Variants in CNTNAP2 observed in about 807,000 individuals in gnomAD.
CNTNAP2 encodes contactin-associated protein-like 2.
CNTNAP2 carries 98 observed loss-of-function variants against 155.2 expected under a neutral mutation model. That is an observed-to-expected ratio of 0.63 (90% confidence interval 0.54 to 0.75). The LOEUF (loss-of-function observed/expected upper bound fraction) is 0.75. Among genes scored for constraint, CNTNAP2 ranks in the 30% least tolerant of loss-of-function variants. The pLI is 0.00. For missense variants in CNTNAP2, 1,727 were observed against 1,688.1 expected (o/e 1.02, Z -0.40); for synonymous variants, 651 against 631.2 (o/e 1.03, Z -0.47).
chr7:147,351,547 A>G (rs1795968250), intron 9 of CNTNAP2, among the ~76,000 whole-genome samples: 1 of 151,842 alleles, frequency 6.6e-6, no homozygotes, highest in Admixed American at 6.6e-5. Flanking sequence ...TATATAAAAC[A>G]GTAGTATTTG....
intron 13 of CNTNAP2, among the ~76,000 whole-genome samples, chr7:147,807,980 CTT>C (rs140883778): frequency 0.03 from 4,546 of 150,936 alleles, 116 homozygotes; most frequent in Non-Finnish European, 0.048. Flanking sequence ...TGTTCACTTT[CTT>C]TTTTAAAAAA....
At chr7:147,820,233 T>C (rs187415646) in intron 13 of CNTNAP2, among the ~76,000 whole-genome samples, 7 of 152,240 alleles carry the variant, frequency 4.6e-5, no homozygotes, top group African/African-American at 1.4e-4. Flanking sequence ...ATGGTTTTAA[T>C]TTGTATTTCC....
chr7:148,224,087 A>T (rs79972012), intron 19 of CNTNAP2, among the ~76,000 whole-genome samples: 1 of 152,036 alleles, frequency 6.6e-6, no homozygotes, highest in Admixed American at 6.5e-5. Flanking sequence ...AAAAAAAAAA[A>T]GCTGTGCTTT....
intron 13 of CNTNAP2, among the ~76,000 whole-genome samples, chr7:147,660,905 T>C (rs890620348): frequency 6.6e-6 from 1 of 152,158 alleles, no homozygotes; most frequent in Non-Finnish European, 1.5e-5. Flanking sequence ...TATGGGGATA[T>C]GGGGCAGATG....
rs1801336336 is a variant in CNTNAP2 at position 146,721,855 on chromosome 7, T to TAGTC, written c.98-52416_98-52415insAGTC. ...TATAGTCTATATATATATTCTACAT[T>TAGTC]TATATGTGTGTGTGTGTGTGTATAT... On this transcript the variant is annotated intron_variant, in intron 1 of 23. Coordinates refer to ENST00000361727, the MANE Select transcript of CNTNAP2 (RefSeq NM_014141.6). Among the ~76,000 whole-genome samples, 5 of 105,396 alleles carry TAGTC rather than the reference T, an allele frequency of 4.7e-5. No individual in the cohort carries two copies. In the East Asian group the frequency reaches 7.8e-4, roughly 17 times the overall value. The allele number at this position is 105,396 out of a possible 152,430, so 69.1% of individuals were successfully genotyped here.
At chr7:146,253,221 C>T (rs1799784185) in intron 1 of CNTNAP2, among the ~76,000 whole-genome samples, 1 of 152,194 alleles carries the variant, frequency 6.6e-6, no homozygotes, top group South Asian at 2.1e-4. Flanking sequence ...TATTTCACGC[C>T]TCTGTGAGTC....
chr7:148,307,698 T>C (rs1797513479), intron 21 of CNTNAP2, among the ~76,000 whole-genome samples: 1 of 152,180 alleles, frequency 6.6e-6, no homozygotes. Context: ...CTGGGCATGG[T>C]AGCGCATGCC....
chr7:146,432,529 C>A (rs1242073317), intron 1 of CNTNAP2, among the ~76,000 whole-genome samples: 2 of 151,906 alleles, frequency 1.3e-5, no homozygotes, highest in Admixed American at 6.6e-5. Flanking sequence ...CTTTGGAGAT[C>A]AAAAGAAAAT....
chr7:147,645,704 T>A (rs1450739420), intron 13 of CNTNAP2, among the ~76,000 whole-genome samples: 1 of 152,134 alleles, frequency 6.6e-6, no homozygotes, highest in Non-Finnish European at 1.5e-5. Context: ...AACAAATATT[T>A]TTTAGTTTTG....
intron 1 of CNTNAP2, among the ~76,000 whole-genome samples, chr7:146,755,119 G>T (rs1801973025): frequency 6.6e-6 from 1 of 151,908 alleles, no homozygotes; most frequent in Non-Finnish European, 1.5e-5. Flanking sequence ...GTATATACTA[G>T]TTGAGGATGT....
chr7:146,556,544 T>G (rs1033383146), intron 1 of CNTNAP2, among the ~76,000 whole-genome samples: 1 of 152,126 alleles, frequency 6.6e-6, no homozygotes, highest in African/African-American at 2.4e-5. Context: ...TTTCTGTCCC[T>G]AATATTCTGA....
Position 148,103,864 on chromosome 7 carries a change from C to T in CNTNAP2, c.2384-14254C>T, listed in dbSNP as rs143006646. ...GGATATATGAATTCTAAGGAAACTG[C>T]AGCACATTTTGTAAAAATCCAAACC... On this transcript the variant is annotated intron_variant, in intron 15 of 23. Coordinates refer to ENST00000361727, the MANE Select transcript of CNTNAP2 (RefSeq NM_014141.6). Among the ~76,000 whole-genome samples, 12 of 152,286 alleles carry T rather than the reference C, an allele frequency of 7.9e-5. No homozygotes were observed. In the East Asian group the frequency reaches 2.3e-3, roughly 29 times the overall value.
At chr7:146,562,991 T>G (rs1798302778) in intron 1 of CNTNAP2, among the ~76,000 whole-genome samples, 1 of 152,168 alleles carries the variant, frequency 6.6e-6, no homozygotes. Flanking sequence ...TGTGAGAAAG[T>G]GCTCTAATAT....
chr7:148,047,844 A>C (rs926601666), intron 15 of CNTNAP2, among the ~76,000 whole-genome samples: 1 of 152,250 alleles, frequency 6.6e-6, no homozygotes, highest in Admixed American at 6.5e-5. Context: ...TTGAACAAAA[A>C]TAAAAGCCAC....
intron 13 of CNTNAP2, among the ~76,000 whole-genome samples, chr7:147,666,425 C>T (rs534588237): frequency 9.9e-5 from 15 of 152,160 alleles, no homozygotes; most frequent in Non-Finnish European, 1.8e-4. Flanking sequence ...GTAAACAAAC[C>T]CACTGTGCTT....
At chr7:147,142,424 C>T (rs1260972500) in intron 8 of CNTNAP2, among the ~76,000 whole-genome samples, 2 of 152,082 alleles carry the variant, frequency 1.3e-5, no homozygotes, top group Non-Finnish European at 2.9e-5. Context: ...GGGATGAAGC[C>T]CACTTGATCA....
intron 1 of CNTNAP2, among the ~76,000 whole-genome samples, chr7:146,662,661 A>T (rs966275036): frequency 3.2e-5 from 4 of 125,152 alleles, no homozygotes; most frequent in African/African-American, 7.9e-5. Context: ...TTTTTATGCC[A>T]TATAAAATAT....
intron 18 of CNTNAP2, 113 bp from the exon 19 acceptor site, chr7:148,217,175 G>C (rs1585194369): frequency 1.0e-6 from 1 of 953,370 alleles, no homozygotes; most frequent in East Asian, 2.4e-5. Flanking sequence ...AACTTACTCA[G>C]ATGCCCTTCC....
intron 15 of CNTNAP2, among the ~76,000 whole-genome samples, chr7:148,094,551 A>G (rs1361254297): frequency 1.3e-5 from 2 of 152,226 alleles, no homozygotes; most frequent in Non-Finnish European, 2.9e-5. Flanking sequence ...AAGGGGTGGT[A>G]CTAGAGTCAG....
Sources: gnomAD v4.1 joint callset for allele counts (sites outside exome capture counted in the v4.1 genomes callset) on GRCh38, gnomAD v4.1.1 for gene constraint, MANE v1.5 for transcripts, NCBI Gene and HGNC (gene_info 2026-07-23, HGNC 2026-07-21) for gene names.